ERBB4: variants seen among roughly 807,000 people sequenced by gnomAD.
ERBB4 encodes the protein receptor tyrosine-protein kinase erbB-4.
In ERBB4, 42 loss-of-function variants were observed where a neutral mutation model predicts 158.0. That is an observed-to-expected ratio of 0.27 (90% CI 0.21 to 0.34). The LOEUF (loss-of-function observed/expected upper bound fraction) is 0.34, where lower values mean the gene tolerates loss of function less well. Among genes scored for constraint, ERBB4 ranks in the 10% least tolerant of loss-of-function variants. The probability of loss-of-function intolerance (pLI) is 1.00; values close to 1 mark genes in which losing one functional copy is unlikely to be tolerated. For synonymous variants in ERBB4, 583 were observed against 558.7 expected (o/e 1.04, Z -0.61); for missense variants, 1,333 against 1,624.1 (o/e 0.82, Z 3.08).
chr2:211,978,896 AGT>A (rs1421519415), intron 2 of ERBB4, among the ~76,000 whole-genome samples: 7 of 152,336 alleles, frequency 4.6e-5, no homozygotes, highest in East Asian at 1.9e-4. Context: ...ATTTTTAAAT[AGT>A]GTTTTTTTCC....
intron 1 of ERBB4, among the ~76,000 whole-genome samples, chr2:212,191,722 TAACAC>T (rs1356829108): frequency 2.7e-5 from 4 of 147,444 alleles, no homozygotes; most frequent in Admixed American, 6.8e-5. Context: ...ATGTTACATA[TAACAC>T]GTGTTATACA....
At position 211,623,932 on chromosome 2, in the gene ERBB4, G is replaced by A. The variant is rs374970657; in HGVS notation, c.2192C>T (p.Thr731Met). 3.2e-5 allele frequency: 51 copies of A among 1,613,772 alleles called. No individual in the cohort carries two copies. In the Middle Eastern group the frequency reaches 1.5e-3, roughly 47 times the overall value. Residue 731 changes from threonine to methionine, a missense_variant, in exon 18 of 28, where the codon ACG becomes ATG. Thr to Met is a moderately conservative substitution (Grantham distance 81). This residue lies in a region of ERBB4 where 314 missense variants were observed against 437.6 expected (regional missense o/e 0.72). Transcript: ENST00000342788. ...TTGTTTTTTACTTACTTTATAAACC[G>A]TTCCAAAAGCACCTGAGCCAAGGAC... ...VKVLGSGAFG[T>M]VYKGIWVPEG...
intron 2 of ERBB4, among the ~76,000 whole-genome samples, chr2:212,090,530 T>C (rs1486160710): frequency 6.6e-6 from 1 of 152,176 alleles, no homozygotes; most frequent in Non-Finnish European, 1.5e-5. Context: ...ACTTGGTCCC[T>C]GTGCCTTCAA....
intron 20 of ERBB4, among the ~76,000 whole-genome samples, chr2:211,499,309 G>A (rs999838048): frequency 6.6e-6 from 1 of 151,954 alleles, no homozygotes; most frequent in African/African-American, 2.4e-5. Flanking sequence ...TGGATCACGA[G>A]GTCAGGAGAT....
chr2:212,300,224 C>G (rs1451802222), intron 1 of ERBB4, among the ~76,000 whole-genome samples: 1 of 151,636 alleles, frequency 6.6e-6, no homozygotes, highest in Non-Finnish European at 1.5e-5. Context: ...ACATCTAACA[C>G]TGTACCCTTC....
chr2:212,389,002 T>C (rs1482051838), intron 1 of ERBB4, among the ~76,000 whole-genome samples: 2 of 152,144 alleles, frequency 1.3e-5, no homozygotes, highest in Non-Finnish European at 2.9e-5. Context: ...TACAAGTCAA[T>C]AAGCAGCTTT....
intron 1 of ERBB4, among the ~76,000 whole-genome samples, chr2:212,484,740 C>T (rs1689887511): frequency 1.3e-5 from 2 of 152,178 alleles, no homozygotes; most frequent in Admixed American, 1.3e-4. Context: ...ATCTCTGTCT[C>T]CTTCCTACTC....
chr2:211,687,188 CCAGTTA>C (rs1375765361), intron 12 of ERBB4, among the ~76,000 whole-genome samples: 2 of 151,206 alleles, frequency 1.3e-5, no homozygotes, highest in East Asian at 3.9e-4. Flanking sequence ...GCCTGTAGTC[CCAGTTA>C]CTTGGGAGGC....
intron 2 of ERBB4, among the ~76,000 whole-genome samples, chr2:212,069,718 T>C (rs2078054926): frequency 6.6e-6 from 1 of 152,072 alleles, no homozygotes; most frequent in African/African-American, 2.4e-5. Flanking sequence ...TTCAGCAAGA[T>C]TGCAGAACAT....
intron 1 of ERBB4, among the ~76,000 whole-genome samples, chr2:212,503,144 T>A (rs888515374): frequency 2.4e-4 from 37 of 152,322 alleles, no homozygotes; most frequent in African/African-American, 8.9e-4. Context: ...GCCAGAAACA[T>A]CTGCATTGAA....
At chr2:212,499,662 C>A (rs758748299) in intron 1 of ERBB4, among the ~76,000 whole-genome samples, 1 of 152,018 alleles carries the variant, frequency 6.6e-6, no homozygotes, top group Non-Finnish European at 1.5e-5. Flanking sequence ...AGCATAAAAT[C>A]AATAACTATA....
chr2:211,457,164 A>G (rs914510251), intron 20 of ERBB4, among the ~76,000 whole-genome samples: 3 of 152,164 alleles, frequency 2.0e-5, no homozygotes, highest in African/African-American at 7.2e-5. Context: ...TTCACACTAT[A>G]CCATGTGAAA....
At chr2:211,428,182 C>T (rs1295186707) in intron 22 of ERBB4, among the ~76,000 whole-genome samples, 3 of 150,998 alleles carry the variant, frequency 2.0e-5, no homozygotes, top group African/African-American at 4.9e-5. Context: ...CGCAACAAAC[C>T]TGCAGGTTCT....
chr2:211,622,919 C>T (rs1360345789), intron 18 of ERBB4, among the ~76,000 whole-genome samples: 2 of 126,044 alleles, frequency 1.6e-5, no homozygotes, highest in Non-Finnish European at 3.2e-5. Flanking sequence ...GTGGAGATCA[C>T]ACCATTGCAC....
In ERBB4 at chr2:211,378,684, C is replaced by CT. The variant is rs1395178988; in HGVS notation, c.*4930dup. Reference sequence around the variant, plus strand: ...TAATGAGGTCTCCACTGATAATGATCTTTTAAAATTATGCCTGATCTCATC... The same window carrying CT: ...TAATGAGGTCTCCACTGATAATGATCTTTTTAAAATTATGCCTGATCTCATC... On this transcript the variant is annotated 3_prime_UTR_variant, in exon 28 of 28. Transcript: ENST00000342788. 4.3e-6 allele frequency: 1 copy of CT among 232,232 alleles called. No individual in the cohort carries two copies. The highest frequency in any genetic ancestry group is 8.5e-6 in the Non-Finnish European group (1 of 117,204). The allele number at this position is 232,232 out of a possible 1,614,324, so 14.4% of individuals were successfully genotyped here.
chr2:211,405,559 C>G (rs2063129944), intron 25 of ERBB4, among the ~76,000 whole-genome samples: 1 of 152,096 alleles, frequency 6.6e-6, no homozygotes, highest in Admixed American at 6.6e-5. Flanking sequence ...GCCCATTATT[C>G]TAGAAAACTT....
chr2:211,596,412 A>G (rs917111488), intron 19 of ERBB4, among the ~76,000 whole-genome samples: 1 of 152,226 alleles, frequency 6.6e-6, no homozygotes, highest in African/African-American at 2.4e-5. Flanking sequence ...TTAGCTACAT[A>G]GTAGTTATAA....
intron 12 of ERBB4, among the ~76,000 whole-genome samples, chr2:211,699,871 A>G (rs543114276): frequency 6.6e-6 from 1 of 152,226 alleles, no homozygotes; most frequent in South Asian, 2.1e-4. Context: ...AACATTATAT[A>G]ATTTATTGAA....
intron 19 of ERBB4, among the ~76,000 whole-genome samples, chr2:211,593,925 G>C (rs565743492): frequency 6.6e-6 from 1 of 152,248 alleles, no homozygotes; most frequent in East Asian, 1.9e-4. Flanking sequence ...ACTTTGATGG[G>C]TCGTTCCAGC....
Sources: allele counts gnomAD v4.1 joint callset (sites outside exome capture counted in the v4.1 genomes callset), GRCh38; gene constraint gnomAD v4.1.1; regional missense constraint gnomAD v4.1.1; transcripts MANE v1.5; gene names NCBI Gene and HGNC (gene_info 2026-07-23, HGNC 2026-07-21).